IL1R2: variants seen among roughly 807,000 people sequenced by gnomAD.
IL1R2 encodes interleukin-1 receptor type 2.
A neutral mutation model predicts 39.5 loss-of-function variants in IL1R2; 46 were observed. That is an observed-to-expected ratio of 1.16 (90% CI 0.92 to 1.49). The LOEUF (loss-of-function observed/expected upper bound fraction) is 1.49, where lower values mean the gene tolerates loss of function less well. Ranked by LOEUF, IL1R2 falls within the 40% of genes most tolerant of loss-of-function variation. IL1R2 has a pLI of 0.00. For missense variants in IL1R2, 537 were observed against 502.0 expected, an observed-to-expected ratio of 1.07 and a Z score of -0.67; for synonymous variants, 207 against 189.6, an observed-to-expected ratio of 1.09 and a Z score of -0.75.
At chr2:102,020,434 T>C (rs1268112805) in intron 5 of IL1R2, among the ~76,000 whole-genome samples, 1 of 152,234 alleles carries the variant, frequency 6.6e-6, no homozygotes, top group Non-Finnish European at 1.5e-5. Flanking sequence ...TGGAGACAGG[T>C]GTAACCATGT....
chr2:102,028,229 C>T lies in IL1R2; in HGVS notation c.1034C>T (p.Ser345Phe). ...TGTGACTCTGTTCTTCCCACAGCCT[C>T]CTCCACGTTCTCCTGGGGCATTGTG... ...QTLRTTVKEASSTFSWGIVLA... is the reference protein window; with the variant it reads ...QTLRTTVKEAFSTFSWGIVLA... The change falls in exon 9 of 9, where the codon TCC (serine) becomes TTC (phenylalanine). Residue 345 changes from serine to phenylalanine, a missense_variant. Physicochemically the swap from Ser to Phe is radical, Grantham distance 155 (BLOSUM62 -2). Transcript: ENST00000332549. The T allele has an allele frequency of 6.2e-7, 1 of 1,606,710 alleles. No individual in the cohort carries two copies. Among genetic ancestry groups the T allele is most frequent in the Non-Finnish European group, 8.5e-7 (1 of 1,176,122 alleles).
At chr2:102,013,159 A>G (rs1057461722) in intron 3 of IL1R2, among the ~76,000 whole-genome samples, 2 of 152,150 alleles carry the variant, frequency 1.3e-5, no homozygotes, top group Admixed American at 6.5e-5. Flanking sequence ...TTTTATGATC[A>G]ATTTTTGTAG....
intron 1 of IL1R2, among the ~76,000 whole-genome samples, chr2:101,995,412 G>T (rs986510725): frequency 2.0e-4 from 30 of 152,170 alleles, no homozygotes; most frequent in African/African-American, 7.2e-4. Context: ...GGAAGAAATT[G>T]GGGGCTCAGT....
intron 4 of IL1R2, among the ~76,000 whole-genome samples, chr2:102,019,106 A>T (rs1287304344): frequency 6.6e-6 from 1 of 152,014 alleles, no homozygotes; most frequent in Non-Finnish European, 1.5e-5. Context: ...TTCTGCAGAG[A>T]CCCCAGAGAA....
intron 1 of IL1R2, among the ~76,000 whole-genome samples, chr2:101,992,248 C>T (rs1408295187): frequency 2.0e-5 from 3 of 148,692 alleles, no homozygotes; most frequent in African/African-American, 5.0e-5. Flanking sequence ...GGCAGAGAGA[C>T]AGGCAGAGGC....
intron 4 of IL1R2, among the ~76,000 whole-genome samples, chr2:102,019,401 A>G (rs557188249): frequency 6.6e-6 from 1 of 152,282 alleles, no homozygotes; most frequent in Admixed American, 6.5e-5. Context: ...CCTTGGACAA[A>G]TATGCTCTAA....
chr2:102,004,529 A>G, intron 1 of IL1R2, among the ~76,000 whole-genome samples: 1 of 152,064 alleles, frequency 6.6e-6, no homozygotes, highest in East Asian at 1.9e-4. Context: ...TCTAACTCAA[A>G]TACTTGGAAG....
chr2:102,024,171 C>T (rs1015948125), intron 6 of IL1R2, among the ~76,000 whole-genome samples: 5 of 152,088 alleles, frequency 3.3e-5, no homozygotes, highest in African/African-American at 1.2e-4. Context: ...CAGCCTCAGG[C>T]AAAGAGAAAG....
chr2:102,021,542 C>G (rs754428502), intron 5 of IL1R2, among the ~76,000 whole-genome samples: 3 of 152,218 alleles, frequency 2.0e-5, no homozygotes, highest in Admixed American at 6.5e-5. Context: ...TCTCGAACTC[C>G]TGACCTGTTG....
chr2:102,008,839 T>G (rs372137197), intron 2 of IL1R2, among the ~76,000 whole-genome samples, 197 bp downstream of exon 2: 12 of 125,428 alleles, frequency 9.6e-5, no homozygotes, highest in African/African-American at 3.8e-4. Context: ...TTGGGCAACA[T>G]AGAGAGACCC....
At chr2:102,004,245 T>G (rs938948403) in intron 1 of IL1R2, among the ~76,000 whole-genome samples, 1 of 152,184 alleles carries the variant, frequency 6.6e-6, no homozygotes, top group Admixed American at 6.5e-5. Context: ...TTAGGCTATA[T>G]GTACTGTCTA....
intron 1 of IL1R2, among the ~76,000 whole-genome samples, chr2:101,999,395 C>T (rs1253496416): frequency 6.6e-6 from 1 of 152,250 alleles, no homozygotes; most frequent in Non-Finnish European, 1.5e-5. Context: ...GGTAGCCCAG[C>T]AGAGCTGGAA....
chr2:102,027,205 C>G (rs1190681434), intron 8 of IL1R2, among the ~76,000 whole-genome samples: 1 of 152,222 alleles, frequency 6.6e-6, no homozygotes, highest in Non-Finnish European at 1.5e-5. Context: ...AAGCTCCTTT[C>G]ACAGTGAAGT....
At chr2:101,994,855 T>C (rs1237861743) in intron 1 of IL1R2, among the ~76,000 whole-genome samples, 1 of 152,250 alleles carries the variant, frequency 6.6e-6, no homozygotes, top group Non-Finnish European at 1.5e-5. Flanking sequence ...TTAGAAAGTC[T>C]GGGAAGAGGT....
At chr2:102,018,402 C>A (rs891364884) in intron 4 of IL1R2, among the ~76,000 whole-genome samples, 1 of 152,186 alleles carries the variant, frequency 6.6e-6, no homozygotes, top group African/African-American at 2.4e-5. Flanking sequence ...ACCTCTCGAA[C>A]CTGTTTCCTC....
chr2:102,000,993 T>C (rs1675829360), intron 1 of IL1R2, among the ~76,000 whole-genome samples: 1 of 152,132 alleles, frequency 6.6e-6, no homozygotes, highest in Non-Finnish European at 1.5e-5. Context: ...TCCTCATCAG[T>C]CATTTTGGAG....
At chr2:102,001,288 C>G (rs1286293171) in intron 1 of IL1R2, among the ~76,000 whole-genome samples, 1 of 152,204 alleles carries the variant, frequency 6.6e-6, no homozygotes, top group Admixed American at 6.5e-5. Flanking sequence ...TGCTGGCAGA[C>G]AGTATAAAGA....
chr2:102,024,624 A>G lies in IL1R2; in HGVS notation c.843A>G (p.Ile281Met), dbSNP rs774542178. 4.3e-6 allele frequency: 7 copies of G among 1,614,134 alleles called. No individual in the cohort carries two copies. In the Admixed American group the frequency reaches 1.0e-4, roughly 23 times the overall value. Residue 281 changes from isoleucine to methionine, a missense_variant, in exon 7 of 9, where the codon ATA becomes ATG. Coordinates refer to ENST00000332549, the MANE Select transcript of IL1R2 (RefSeq NM_004633.4). Reference sequence around the variant, plus strand: ...GGTGGACGGCCAATGACACCCACATAGAGAGCGCCTACCCGGGAGGCCGCG... The same window carrying G: ...GGTGGACGGCCAATGACACCCACATGGAGAGCGCCTACCCGGGAGGCCGCG... ...MLWWTANDTH[I>M]ESAYPGGRVT... is the part of the protein sequence containing the mutation.
At chr2:102,000,419 TC>T in intron 1 of IL1R2, among the ~76,000 whole-genome samples, 1 of 152,334 alleles carries the variant, frequency 6.6e-6, no homozygotes, top group South Asian at 2.1e-4. Context: ...GTATACACTT[TC>T]TAACTCTCAA....
Sources: gnomAD v4.1 joint callset for allele counts (sites outside exome capture counted in the v4.1 genomes callset) on GRCh38, gnomAD v4.1.1 for gene constraint, MANE v1.5 for transcripts, NCBI Gene and HGNC (gene_info 2026-07-23, HGNC 2026-07-21) for gene names.